GPR39: variants seen among roughly 807,000 people sequenced by gnomAD.
GPR39 encodes the protein G protein-coupled receptor 39.
In GPR39, 23 loss-of-function variants were observed where a neutral mutation model predicts 18.4. The ratio of observed to expected loss-of-function variants is 1.25; its 90% confidence interval spans 0.90 to 1.77. The LOEUF (loss-of-function observed/expected upper bound fraction) is 1.77, where lower values mean the gene tolerates loss of function less well. Ranked by LOEUF, GPR39 falls within the 40% of genes most tolerant of loss-of-function variation. The pLI is 0.00. For missense variants in GPR39, 647 were observed against 602.4 expected, an observed-to-expected ratio of 1.07 and a Z score of -0.78; for synonymous variants, 280 against 257.9, an observed-to-expected ratio of 1.09 and a Z score of -0.82.
At chr2:132,460,863 G>T (rs1435990048) in intron 1 of GPR39, among the ~76,000 whole-genome samples, 9 of 152,162 alleles carry the variant, frequency 5.9e-5, no homozygotes, top group Non-Finnish European at 1.3e-4. Context: ...TCTGGGCAGG[G>T]GCTTGCTCGG....
At chr2:132,439,203 G>A (rs1449342815) in intron 1 of GPR39, among the ~76,000 whole-genome samples, 3 of 152,226 alleles carry the variant, frequency 2.0e-5, no homozygotes, top group Non-Finnish European at 4.4e-5. Flanking sequence ...AATCACAATG[G>A]TGTCAAGCCC....
intron 1 of GPR39, among the ~76,000 whole-genome samples, chr2:132,612,832 G>A (rs534961300): frequency 2.6e-5 from 4 of 152,190 alleles, no homozygotes; most frequent in African/African-American, 7.2e-5. Flanking sequence ...TTTTAGAATC[G>A]GAGTGTAAAT....
chr2:132,421,025 T>A (rs1477515606), intron 1 of GPR39, among the ~76,000 whole-genome samples: 8 of 152,262 alleles, frequency 5.3e-5, no homozygotes, highest in Non-Finnish European at 8.8e-5. Context: ...TCAGCCAGTG[T>A]GGCATGGTAA....
chr2:132,572,227 C>G (rs1224644200), intron 1 of GPR39, among the ~76,000 whole-genome samples: 2 of 152,174 alleles, frequency 1.3e-5, no homozygotes, highest in African/African-American at 2.4e-5. Context: ...CTCGTGTTGG[C>G]CCTCTGCCCC....
At chr2:132,495,309 G>C (rs935507639) in intron 1 of GPR39, among the ~76,000 whole-genome samples, 27 of 152,152 alleles carry the variant, frequency 1.8e-4, no homozygotes, top group Non-Finnish European at 8.8e-5. Context: ...TGGCTTTTGG[G>C]GCAGGTGGCC....
In GPR39 at chr2:132,417,140, T is replaced by A; in HGVS notation, c.98T>A (p.Leu33His). 6.2e-7 allele frequency: 1 copy of A among 1,614,132 alleles called. No individual in the cohort carries two copies. The highest frequency in any genetic ancestry group is 8.5e-7 in the Non-Finnish European group (1 of 1,180,030). Residue 33 changes from leucine to histidine, a missense_variant, in exon 1 of 2, where the codon CTT (leucine) becomes CAT (histidine). Coordinates refer to ENST00000329321, the MANE Select transcript of GPR39 (RefSeq NM_001508.3). Reference sequence around the variant, plus strand: ...GTGGCCACCTGGATCAAAATCACCCTTATTCTGGTGTACCTGATCATCTTC... The same window carrying A: ...GTGGCCACCTGGATCAAAATCACCCATATTCTGGTGTACCTGATCATCTTC... ...FEVATWIKIT[L>H]ILVYLIIFVM...
intron 1 of GPR39, among the ~76,000 whole-genome samples, chr2:132,621,251 G>T (rs1681436021): frequency 6.6e-6 from 1 of 152,124 alleles, no homozygotes; most frequent in African/African-American, 2.4e-5. Flanking sequence ...GCTGAAAACG[G>T]GTCCCTGAAC....
chr2:132,517,975 G>A (rs1229484091), intron 1 of GPR39, among the ~76,000 whole-genome samples: 1 of 152,060 alleles, frequency 6.6e-6, no homozygotes, highest in Non-Finnish European at 1.5e-5. Flanking sequence ...TGCTATGTTT[G>A]GGGGGAATGG....
At chr2:132,506,155 C>A (rs924651823) in intron 1 of GPR39, among the ~76,000 whole-genome samples, 4 of 105,404 alleles carry the variant, frequency 3.8e-5, no homozygotes, top group African/African-American at 1.0e-4. Flanking sequence ...ATTAGTAATG[C>A]TGAGCATTTT....
At chr2:132,463,809 T>G (rs1228997142) in intron 1 of GPR39, among the ~76,000 whole-genome samples, 2 of 152,254 alleles carry the variant, frequency 1.3e-5, no homozygotes, top group East Asian at 3.8e-4. Flanking sequence ...CTGCTGGTTT[T>G]GCTTGGGCTC....
At chr2:132,603,262 T>A (rs1049291115) in intron 1 of GPR39, among the ~76,000 whole-genome samples, 2 of 152,134 alleles carry the variant, frequency 1.3e-5, no homozygotes, top group African/African-American at 4.8e-5. Flanking sequence ...AGAAGTTAAG[T>A]GAAATATCGG....
chr2:132,459,241 T>G (rs767538700), intron 1 of GPR39, among the ~76,000 whole-genome samples: 7 of 152,240 alleles, frequency 4.6e-5, no homozygotes, highest in Admixed American at 1.3e-4. Flanking sequence ...TTAGAGTTAT[T>G]GTTAAAAAGG....
intron 1 of GPR39, among the ~76,000 whole-genome samples, chr2:132,592,148 T>A (rs944081355): frequency 2.6e-5 from 4 of 152,172 alleles, no homozygotes; most frequent in African/African-American, 9.7e-5. Context: ...TATTGTCAGT[T>A]GGTGGAGGAA....
At chr2:132,487,621 T>C (rs1681366779) in intron 1 of GPR39, among the ~76,000 whole-genome samples, 1 of 152,136 alleles carries the variant, frequency 6.6e-6, no homozygotes, top group African/African-American at 2.4e-5. Context: ...ATTTTAGAAA[T>C]GAAAATTATA....
At position 132,552,320 on chromosome 2, in the gene GPR39, G is replaced by A. The variant is rs776166224; in HGVS notation, c.857-92781G>A. ...TCCCTCATGGCTTGCTGCTGTCCTC[G>A]TGATAGTGAGTTCTCTCAAGATCTT... On this transcript the variant is annotated intron_variant, in intron 1 of 1. Coordinates refer to ENST00000329321, the MANE Select transcript of GPR39 (RefSeq NM_001508.3). 4.6e-4 allele frequency among the ~76,000 whole-genome samples: 70 copies of A among 152,172 alleles called. 1 individual carries two copies. The Middle Eastern group carries it at 0.01, about 22-fold the overall frequency.
chr2:132,492,117 ACAC>A (rs1007634251), intron 1 of GPR39, among the ~76,000 whole-genome samples: 19 of 149,496 alleles, frequency 1.3e-4, no homozygotes, highest in Non-Finnish European at 8.9e-5. Flanking sequence ...ATATATATAC[ACAC>A]CACATATATA....
intron 1 of GPR39, among the ~76,000 whole-genome samples, chr2:132,626,616 A>G (rs1388222269): frequency 6.6e-6 from 1 of 152,222 alleles, no homozygotes; most frequent in Non-Finnish European, 1.5e-5. Context: ...TAGGGCTTCA[A>G]ATAAGTAAAC....
chr2:132,532,082 C>T (rs142250513), intron 1 of GPR39, among the ~76,000 whole-genome samples: 3 of 151,778 alleles, frequency 2.0e-5, no homozygotes, highest in Admixed American at 6.6e-5. Flanking sequence ...GAAAGATCAA[C>T]AAAATTGATA....
rs190134141 is a variant in GPR39 at position 132,551,234 on chromosome 2, G to A, written c.857-93867G>A. ...GCCATCATGTCTGCATTTGATGCAG[G>A]AGGAAAGAGAAAGAGGGGGAGCAAA... is the stretch of plus-strand genomic sequence containing the variant. On this transcript the variant is annotated intron_variant, in intron 1 of 1. Transcript: ENST00000329321. Among the ~76,000 whole-genome samples, 34 of 150,024 alleles carry A rather than the reference G, an allele frequency of 2.3e-4. No individual in the cohort carries two copies. In the East Asian group the frequency reaches 3.7e-3, roughly 16 times the overall value.
Sources: allele counts gnomAD v4.1 joint callset (sites outside exome capture counted in the v4.1 genomes callset), GRCh38; gene constraint gnomAD v4.1.1; transcripts MANE v1.5; gene names NCBI Gene and HGNC (gene_info 2026-07-23, HGNC 2026-07-21).